ATP10B: variants seen among roughly 807,000 people sequenced by gnomAD.
The protein encoded by ATP10B is phospholipid-transporting ATPase VB.
In ATP10B, 122 loss-of-function variants were observed where a neutral mutation model predicts 141.2. The observed-to-expected ratio is 0.86, with a 90% CI of 0.75 to 1.00. The LOEUF (loss-of-function observed/expected upper bound fraction) is 1.00. Among genes scored for constraint, ATP10B ranks in the 50% least tolerant of loss-of-function variants. The pLI is 0.00. For missense variants in ATP10B, 1,876 were observed against 1,825.3 expected (o/e 1.03, Z -0.51); for synonymous variants, 685 against 692.0 (o/e 0.99, Z 0.16).
chr5:160,782,438 TACACACACACACACAC>T (rs57112303), intron 2 of ATP10B, among the ~76,000 whole-genome samples: 265 of 141,182 alleles, frequency 1.9e-3, no homozygotes, highest in Non-Finnish European at 2.6e-3. Flanking sequence ...TCTTCCTCCA[TACACACACACACACAC>T]ACACACACAC....
At chr5:160,676,003 C>T (rs1423048884) in intron 6 of ATP10B, among the ~76,000 whole-genome samples, 2 of 152,116 alleles carry the variant, frequency 1.3e-5, no homozygotes, top group Non-Finnish European at 2.9e-5. Flanking sequence ...GACTGAGGTT[C>T]TAAGTCAGCA....
chr5:160,777,931 G>A (rs1475869036), intron 2 of ATP10B, among the ~76,000 whole-genome samples: 1 of 151,852 alleles, frequency 6.6e-6, no homozygotes, highest in African/African-American at 2.4e-5. Flanking sequence ...GAAGTAACAG[G>A]TGAAAAAAAC....
the ATP10B span, among the ~76,000 whole-genome samples, chr5:160,873,283 T>C: frequency 6.6e-6 from 1 of 152,138 alleles, no homozygotes; most frequent in African/African-American, 2.4e-5. Flanking sequence ...AAACCTATGG[T>C]TAACATCATT....
At chr5:160,887,369 G>A in the ATP10B span, among the ~76,000 whole-genome samples, 854 of 152,108 alleles carry the variant, frequency 5.6e-3, 10 homozygotes, top group African/African-American at 0.02. Flanking sequence ...CAAGAAAAAT[G>A]TCTGTACCTC....
At chr5:160,929,057 G>T in the ATP10B span, among the ~76,000 whole-genome samples, 1 of 152,210 alleles carries the variant, frequency 6.6e-6, no homozygotes, top group African/African-American at 2.4e-5. Flanking sequence ...GCTGCTGGTG[G>T]CTGAGGGTGA....
At chr5:160,912,782 C>T in the ATP10B span, among the ~76,000 whole-genome samples, 9 of 152,090 alleles carry the variant, frequency 5.9e-5, no homozygotes, top group African/African-American at 1.7e-4. Context: ...TTCCTACCCC[C>T]GGGTAGATAG....
chr5:160,895,468 G>C, the ATP10B span, among the ~76,000 whole-genome samples: 1 of 152,136 alleles, frequency 6.6e-6, no homozygotes, highest in Non-Finnish European at 1.5e-5. Context: ...TTACATAATG[G>C]TAAAGGGATC....
chr5:160,727,181 C>T (rs995346782), intron 2 of ATP10B, among the ~76,000 whole-genome samples: 12 of 152,150 alleles, frequency 7.9e-5, no homozygotes, highest in African/African-American at 2.2e-4. Flanking sequence ...TCTGAGTTTA[C>T]GGTACCTGCT....
chr5:160,882,248 C>G, the ATP10B span, among the ~76,000 whole-genome samples: 10 of 151,984 alleles, frequency 6.6e-5, no homozygotes, highest in African/African-American at 2.4e-4. Flanking sequence ...TAATGTAAAA[C>G]GTAGAGTTGG....
the ATP10B span, among the ~76,000 whole-genome samples, chr5:160,873,795 T>A: frequency 2.6e-5 from 4 of 152,268 alleles, no homozygotes; most frequent in Middle Eastern, 0.014. Flanking sequence ...GAAAATTGGG[T>A]CACTCCCACC....
At chr5:160,909,546 C>T in the ATP10B span, among the ~76,000 whole-genome samples, 1 of 152,102 alleles carries the variant, frequency 6.6e-6, no homozygotes, top group Non-Finnish European at 1.5e-5. Context: ...GGAGCAGGAT[C>T]CTGTTAGATA....
At chr5:160,617,733 G>C in intron 16 of ATP10B, 131 bp downstream of exon 16, 3 of 810,004 alleles carry the variant, frequency 3.7e-6, no homozygotes, top group Non-Finnish European at 3.8e-6. Context: ...TTTGTGGCAA[G>C]TCAGAACAGC....
At chr5:160,642,217 C>T (rs1759923237) in intron 9 of ATP10B, among the ~76,000 whole-genome samples, 1 of 152,142 alleles carries the variant, frequency 6.6e-6, no homozygotes. Flanking sequence ...TTCAATTCCT[C>T]ATCTAAAAAA....
At position 160,581,173 on chromosome 5, in the gene ATP10B, A is replaced by G. The variant is rs187542332; in HGVS notation, c.3750+8419T>C. The stretch of plus-strand genomic sequence containing the variant: ...CTTCAGTTCTGCTCTGATCTTAGTT[A>G]TTTCTTGTCTTCTGCTAGCTTTTGA... On this transcript the variant is annotated intron_variant, in intron 24 of 25. Coordinates refer to ENST00000327245, the MANE Select transcript of ATP10B (RefSeq NM_025153.3). Among the ~76,000 whole-genome samples the G allele has an allele frequency of 1.8e-3, 275 of 151,618 alleles. 1 individual carries two copies. The highest frequency in any genetic ancestry group is 6.4e-3 in the African/African-American group (265 of 41,316).
chr5:160,739,219 T>C (rs1353436008), intron 2 of ATP10B, among the ~76,000 whole-genome samples: 1 of 152,216 alleles, frequency 6.6e-6, no homozygotes, highest in Non-Finnish European at 1.5e-5. Context: ...CACAGAACTT[T>C]ATATCTATAT....
intron 1 of ATP10B, among the ~76,000 whole-genome samples, chr5:160,822,989 C>CATATATATGTAT (rs1774249137): frequency 1.4e-5 from 1 of 69,706 alleles, no homozygotes; most frequent in Non-Finnish European, 2.8e-5. Flanking sequence ...ATTACATATA[C>CATATATATGTAT]ATATATATAT....
intron 3 of ATP10B, among the ~76,000 whole-genome samples, chr5:160,709,032 C>A (rs923471771): frequency 2.6e-5 from 4 of 152,130 alleles, no homozygotes; most frequent in Admixed American, 2.0e-4. Context: ...GACAGACAGA[C>A]CCCTTGGAAA....
chr5:160,758,565 T>C (rs1768802781), intron 2 of ATP10B, among the ~76,000 whole-genome samples: 2 of 152,318 alleles, frequency 1.3e-5, no homozygotes, highest in South Asian at 4.1e-4. Context: ...AAGATCATTG[T>C]ATCCTGAAAA....
the ATP10B span, among the ~76,000 whole-genome samples, chr5:160,884,194 G>A: frequency 6.6e-6 from 1 of 152,126 alleles, no homozygotes; most frequent in African/African-American, 2.4e-5. Flanking sequence ...CAACCATCTT[G>A]TAACAGTCTT....
Sources: gnomAD v4.1 joint callset for allele counts (sites outside exome capture counted in the v4.1 genomes callset) on GRCh38, gnomAD v4.1.1 for gene constraint, MANE v1.5 for transcripts, NCBI Gene and HGNC (gene_info 2026-07-23, HGNC 2026-07-21) for gene names.